Variants in CEP104 observed in about 807,000 individuals in gnomAD.
CEP104 encodes the protein centrosomal protein of 104 kDa.
Under a neutral mutation model 113.3 loss-of-function variants are expected in CEP104, and 84 were observed. That is an observed-to-expected ratio of 0.74 (90% CI 0.62 to 0.89). The LOEUF is 0.89. Among genes scored for constraint, CEP104 ranks in the 40% least tolerant of loss-of-function variants. The probability of loss-of-function intolerance (pLI) is 0.00; values close to 1 mark genes in which losing one functional copy is unlikely to be tolerated. For missense variants in CEP104, 1,053 were observed against 1,156.6 expected (o/e 0.91, Z 1.30); for synonymous variants, 378 against 421.7 (o/e 0.90, Z 1.27).
chr1:3,842,642 G>T (rs1644434038), intron 6 of CEP104, among the ~76,000 whole-genome samples: 1 of 152,252 alleles, frequency 6.6e-6, no homozygotes. Flanking sequence ...TCTGCGAGCA[G>T]TCTGTATGCA....
chr1:3,850,547 G>C (rs993946436), intron 2 of CEP104, among the ~76,000 whole-genome samples: 1 of 152,176 alleles, frequency 6.6e-6, no homozygotes, highest in East Asian at 1.9e-4. Flanking sequence ...CCCCGTCAGT[G>C]TCTCTCCTGG....
rs1001856681 is a variant in CEP104, at chr1:3,849,161, A to G, written c.114-380T>C. Among the ~76,000 whole-genome samples, 5 of 152,232 alleles carry G rather than the reference A, an allele frequency of 3.3e-5. No individual in the cohort carries two copies. The East Asian group carries it at 5.8e-4, about 18-fold the overall frequency. ...GGAACTCAAATGCTTAAGGGCCCCA[A>G]GGTATCAATATTTAAGGAGTGCCTG... On this transcript the variant is annotated intron_variant, in intron 2 of 21. Coordinates refer to ENST00000378230, the MANE Select transcript of CEP104 (RefSeq NM_014704.4).
chr1:3,828,959 G>C (rs1188620469), intron 15 of CEP104, among the ~76,000 whole-genome samples: 1 of 152,140 alleles, frequency 6.6e-6, no homozygotes, highest in Non-Finnish European at 1.5e-5. Flanking sequence ...TGCCTCTGAA[G>C]GTGGCTGGAG....
intron 6 of CEP104, among the ~76,000 whole-genome samples, chr1:3,840,326 T>C (rs1644390625): frequency 6.6e-6 from 1 of 152,058 alleles, no homozygotes; most frequent in East Asian, 1.9e-4. Flanking sequence ...AACCTCCACC[T>C]CCCGGGTTCA....
At chr1:3,831,311 G>A (rs1023389482) in intron 12 of CEP104, 89 bp from the exon 13 acceptor site, 1 of 1,162,130 alleles carries the variant, frequency 8.6e-7, no homozygotes, top group Non-Finnish European at 1.2e-6. Flanking sequence ...ACTAAACACT[G>A]AAGGGAAAAA....
chr1:3,824,875 GGCGGCA>G, intron 18 of CEP104, among the ~76,000 whole-genome samples: 2 of 147,340 alleles, frequency 1.4e-5, no homozygotes, highest in East Asian at 2.0e-4. Flanking sequence ...CCGTGGGAAG[GGCGGCA>G]GTGGCACCGT....
intron 20 of CEP104, among the ~76,000 whole-genome samples, chr1:3,821,834 G>C (rs981011223): frequency 6.6e-6 from 1 of 152,226 alleles, no homozygotes; most frequent in African/African-American, 2.4e-5. Context: ...TTCACCAAGT[G>C]AATCATAAGG....
At position 3,819,199 on chromosome 1, in the gene CEP104, C is replaced by T. The variant is rs529895004; in HGVS notation, c.2572-2829G>A. Among the ~76,000 whole-genome samples, 22 of 152,300 alleles carry T rather than the reference C, an allele frequency of 1.4e-4. No homozygotes were observed. The East Asian group carries it at 3.1e-3, about 21-fold the overall frequency. ...AGAACCCGGGCGAACCTTGAAAACA[C>T]GTTAAGTCAAAGACACAAAGGCCGC... On this transcript the variant is annotated intron_variant, in intron 20 of 21. Transcript: ENST00000378230. This position sits in a 1 kb window ranked among gnomAD's most constrained non-coding sequence, Gnocchi z 4.6.
chr1:3,815,647 G>A (rs1014423943), intron 21 of CEP104, 130 bp from the exon 22 acceptor site: 2 of 629,644 alleles, frequency 3.2e-6, no homozygotes, highest in East Asian at 2.9e-5. Flanking sequence ...CCGACTACAG[G>A]AGCCAGGGCT....
rs1010615104 is a variant in CEP104 at position 3,848,867 on chromosome 1, G to T, written c.114-86C>A. ...AGCATCTCATTCTTGCAGGTAAGAA[G>T]CATTAACCACACACCCACTTTGAAC... On this transcript the variant is annotated intron_variant, in intron 2 of 21. Transcript: ENST00000378230. The T allele has an allele frequency of 4.6e-6, 5 of 1,085,648 alleles. No individual in the cohort carries two copies. In the African/African-American group the frequency reaches 4.7e-5, roughly 10 times the overall value. The allele number at this position is 1,085,648 out of a possible 1,614,324, so 67.3% of individuals were successfully genotyped here. A position where few individuals can be genotyped will look rare whatever the true frequency, so the allele number is the denominator to read the frequency against.
At chr1:3,836,719 G>T in intron 9 of CEP104, 27 bp from the exon 10 acceptor site, 1 of 1,607,676 alleles carries the variant, frequency 6.2e-7, no homozygotes. Context: ...AGAGAGGAAA[G>T]TGCTGGGGAG....
At chr1:3,844,796 C>T in intron 6 of CEP104, 111 bp downstream of exon 6, 1 of 831,302 alleles carries the variant, frequency 1.2e-6, no homozygotes, top group Non-Finnish European at 2.0e-6. Context: ...GCTTATCCAG[C>T]TCTAAACTGA....
intron 1 of CEP104, chr1:3,855,978 T>C (rs1644717977): frequency 1.0e-6 from 1 of 983,474 alleles, no homozygotes; most frequent in African/African-American, 1.7e-5. Context: ...GGCGGTCTCA[T>C]CCCTCACTAC....
intron 15 of CEP104, among the ~76,000 whole-genome samples, chr1:3,828,886 T>C (rs2124654189): frequency 6.6e-6 from 1 of 152,324 alleles, no homozygotes; most frequent in South Asian, 2.1e-4. Flanking sequence ...AATGTTTACC[T>C]GAAACCTTCC....
chr1:3,839,202 T>C (rs1036927112), intron 7 of CEP104, 83 bp from the exon 8 acceptor site: 4 of 1,229,430 alleles, frequency 3.3e-6, no homozygotes, highest in African/African-American at 2.9e-5. Flanking sequence ...GAATCACGCG[T>C]GAACCGTCTT....
At chr1:3,853,153 T>C (rs1644649191) in intron 1 of CEP104, among the ~76,000 whole-genome samples, 1 of 152,198 alleles carries the variant, frequency 6.6e-6, no homozygotes, top group Non-Finnish European at 1.5e-5. Flanking sequence ...AGTTATACAA[T>C]ACCAAGGGGA....
intron 13 of CEP104, among the ~76,000 whole-genome samples, chr1:3,830,419 G>C (rs1356141783): frequency 6.6e-6 from 1 of 152,098 alleles, no homozygotes; most frequent in African/African-American, 2.4e-5. Context: ...CTGGTCTTAA[G>C]CATTCCAGAT....
intron 9 of CEP104, 91 bp from the exon 10 acceptor site, chr1:3,836,783 ACTTAC>A (rs1383887411): frequency 3.7e-6 from 4 of 1,069,572 alleles, no homozygotes; most frequent in Non-Finnish European, 5.6e-6. Context: ...TACTGCGCTT[ACTTAC>A]CTGATCTGAA....
At position 3,844,987 on chromosome 1, in the gene CEP104, T is replaced by C; in HGVS notation, c.490-4A>G. The C allele has an allele frequency of 6.2e-7, 1 of 1,613,414 alleles. No homozygotes were observed. Among genetic ancestry groups the C allele is most frequent in the East Asian group, 2.2e-5 (1 of 44,886 alleles). On this transcript the variant is annotated splice_region_variant and splice_polypyrimidine_tract_variant and intron_variant, in intron 5 of 21. Coordinates refer to ENST00000378230, the MANE Select transcript of CEP104 (RefSeq NM_014704.4). ...CAATCAACTTCTCTCGAGAGGCCTT[T>C]GGGGGCAAAACATCTGCTTAGTGTC...
Sources: gnomAD v4.1 joint callset for allele counts (sites outside exome capture counted in the v4.1 genomes callset) on GRCh38, gnomAD v4.1.1 for gene constraint, Gnocchi (gnomAD v3.1) non-coding constraint, MANE v1.5 for transcripts, NCBI Gene and HGNC (gene_info 2026-07-23, HGNC 2026-07-21) for gene names.